The following IGF2BP3 variants were observed in gnomAD, a reference collection of about 807,000 sequenced individuals.
The protein encoded by IGF2BP3 is insulin-like growth factor 2 mRNA-binding protein 3.
In IGF2BP3, 9 loss-of-function variants were observed where a neutral mutation model predicts 73.8. That is an observed-to-expected ratio of 0.12 (90% CI 0.07 to 0.21). The LOEUF is 0.21. Among genes scored for constraint, IGF2BP3 ranks in the 10% least tolerant of loss-of-function variants. IGF2BP3 has a pLI of 1.00. For missense variants in IGF2BP3, 542 were observed against 714.0 expected (o/e 0.76, Z 2.75); for synonymous variants, 258 against 256.7 (o/e 1.01, Z -0.05).
intron 2 of IGF2BP3, among the ~76,000 whole-genome samples, chr7:23,452,550 T>TC (rs1788225641): frequency 6.6e-6 from 1 of 152,080 alleles, no homozygotes; most frequent in Non-Finnish European, 1.5e-5. Flanking sequence ...ATGCCTGTAA[T>TC]CCTAACACTT....
At chr7:23,330,908 C>T (rs1784427965) in intron 10 of IGF2BP3, among the ~76,000 whole-genome samples, 1 of 152,214 alleles carries the variant, frequency 6.6e-6, no homozygotes. Flanking sequence ...AGCTATTCTC[C>T]TGCCTCAGCC....
chr7:23,410,915 C>T (rs938141622), intron 3 of IGF2BP3, among the ~76,000 whole-genome samples: 4 of 152,220 alleles, frequency 2.6e-5, no homozygotes, highest in Non-Finnish European at 4.4e-5. Context: ...TGTACCACCA[C>T]TGCCTTATCT....
intron 2 of IGF2BP3, among the ~76,000 whole-genome samples, chr7:23,454,428 A>G (rs1472128669): frequency 2.6e-5 from 4 of 152,098 alleles, no homozygotes; most frequent in African/African-American, 9.7e-5. Context: ...TAAACCATAA[A>G]CCACGGGGTC....
At chr7:23,464,657 C>A (rs1788522610) in intron 2 of IGF2BP3, among the ~76,000 whole-genome samples, 2 of 150,890 alleles carry the variant, frequency 1.3e-5, no homozygotes, top group South Asian at 4.2e-4. Flanking sequence ...GCACTCCAGC[C>A]TGGGCAACAG....
In IGF2BP3 at chr7:23,452,530, G is replaced by A. The variant is rs539386216; in HGVS notation, c.236+15952C>T. 1.3e-4 allele frequency among the ~76,000 whole-genome samples: 20 copies of A among 152,224 alleles called. 1 individual carries two copies. Among genetic ancestry groups the A allele is most frequent in the Admixed American group, 1.0e-3 (16 of 15,290 alleles). ...CTTTAAAACATGGGTTCCCCCAGGC[G>A]TGGTGGCTCATGCCTGTAATCCTAA... On this transcript the variant is annotated intron_variant, in intron 2 of 14. Coordinates refer to ENST00000258729, the MANE Select transcript of IGF2BP3 (RefSeq NM_006547.3).
At chr7:23,327,685 T>C (rs1784339629) in intron 10 of IGF2BP3, among the ~76,000 whole-genome samples, 1 of 152,122 alleles carries the variant, frequency 6.6e-6, no homozygotes, top group Admixed American at 6.5e-5. Context: ...TTTTCAAAAA[T>C]CAGCCAAAGA....
intron 3 of IGF2BP3, among the ~76,000 whole-genome samples, chr7:23,384,386 G>T (rs1052758623): frequency 2.0e-5 from 3 of 152,154 alleles, no homozygotes; most frequent in African/African-American, 7.2e-5. Flanking sequence ...GTGGTAGTAT[G>T]TATTTGTGAA....
rs1302055348 is a variant in IGF2BP3, at chr7:23,311,757, AAG to A, written c.*603_*604del. On this transcript the variant is annotated 3_prime_UTR_variant, in exon 15 of 15. Coordinates refer to ENST00000258729, the MANE Select transcript of IGF2BP3 (RefSeq NM_006547.3). ...TAAAGTATATAAAATTTTCAAAAAA[AAG>A]GAACAATTTTGCTTTTCATTGTATT... is the stretch of plus-strand genomic sequence containing the variant. 6.6e-6 allele frequency: 1 copy of A among 152,616 alleles called. No individual in the cohort carries two copies. The highest frequency in any genetic ancestry group is 2.4e-5 in the African/African-American group (1 of 41,438). 9.5% of individuals were successfully genotyped at this position (152,616 alleles called of 1,614,324 possible). A position where few individuals can be genotyped will look rare whatever the true frequency, so the allele number is the denominator to read the frequency against.
chr7:23,338,412 TTGGGAGTCAGAGG>T (rs1784627495), intron 10 of IGF2BP3, among the ~76,000 whole-genome samples: 1 of 152,138 alleles, frequency 6.6e-6, no homozygotes, highest in Admixed American at 6.5e-5. Flanking sequence ...TCCCAGCTAC[TTGGGAGTCAGAGG>T]TGGGAGGATC....
chr7:23,434,937 C>A (rs1032420305), intron 2 of IGF2BP3, among the ~76,000 whole-genome samples: 1 of 152,052 alleles, frequency 6.6e-6, no homozygotes, highest in African/African-American at 2.4e-5. Flanking sequence ...TGAATAAAAC[C>A]TTGGCCAAAG....
At chr7:23,370,056 C>T (rs1164492732) in intron 3 of IGF2BP3, among the ~76,000 whole-genome samples, 5 of 152,216 alleles carry the variant, frequency 3.3e-5, no homozygotes, top group African/African-American at 1.2e-4. Context: ...CAAACTTCAA[C>T]ATGGCATAAG....
chr7:23,324,235 G>A (rs1784232322), intron 10 of IGF2BP3, among the ~76,000 whole-genome samples: 1 of 149,708 alleles, frequency 6.7e-6, no homozygotes, highest in South Asian at 2.1e-4. Flanking sequence ...ATGATAAAGG[G>A]GATATCACCA....
chr7:23,325,477 C>T (rs1427835479), intron 10 of IGF2BP3, among the ~76,000 whole-genome samples: 10 of 152,122 alleles, frequency 6.6e-5, no homozygotes, highest in African/African-American at 2.4e-4. Flanking sequence ...GAATCAATAT[C>T]GTGAAAATGG....
At chr7:23,427,288 C>T (rs548095172) in intron 2 of IGF2BP3, among the ~76,000 whole-genome samples, 10 of 152,040 alleles carry the variant, frequency 6.6e-5, no homozygotes, top group Non-Finnish European at 8.8e-5. Flanking sequence ...GGAGGCATTC[C>T]GTGAATTTCT....
intron 3 of IGF2BP3, among the ~76,000 whole-genome samples, chr7:23,374,120 G>T (rs1313380475): frequency 2.6e-5 from 4 of 152,120 alleles, no homozygotes; most frequent in African/African-American, 9.7e-5. Flanking sequence ...CACTAACCGA[G>T]TATACGTCCA....
rs1450000620 is a variant in IGF2BP3 at position 23,311,033 on chromosome 7, A to C, written c.*1329T>G. 2 of 152,034 alleles carry C rather than the reference A, an allele frequency of 1.3e-5. No homozygotes were observed. Among genetic ancestry groups the C allele is most frequent in the Non-Finnish European group, 2.9e-5 (2 of 68,008 alleles). 9.4% of individuals were successfully genotyped at this position (152,034 alleles called of 1,614,324 possible). On this transcript the variant is annotated 3_prime_UTR_variant, in exon 15 of 15. Coordinates refer to ENST00000258729, the MANE Select transcript of IGF2BP3 (RefSeq NM_006547.3). ...CCCAAAAACTTTTCTTGTATTCTCT[A>C]TCTTTTGACTTTTTTTTCAAAGAAC...
intron 2 of IGF2BP3, among the ~76,000 whole-genome samples, chr7:23,447,421 T>C (rs1268974941): frequency 2.6e-5 from 4 of 151,796 alleles, no homozygotes; most frequent in African/African-American, 9.7e-5. Flanking sequence ...GCCAGGAGTC[T>C]GACACCAGCC....
chr7:23,376,314 T>A (rs1410508218), intron 3 of IGF2BP3, among the ~76,000 whole-genome samples: 1 of 151,822 alleles, frequency 6.6e-6, no homozygotes, highest in Non-Finnish European at 1.5e-5. Flanking sequence ...CCCAGCACTT[T>A]GAGAGGCCAA....
intron 5 of IGF2BP3, among the ~76,000 whole-genome samples, chr7:23,352,336 T>C (rs1183838906): frequency 7.2e-6 from 1 of 138,982 alleles, no homozygotes; most frequent in Non-Finnish European, 1.5e-5. Context: ...TTACCCAGGC[T>C]GGAGCGCAAT....
Sources: gnomAD v4.1 joint callset for allele counts (sites outside exome capture counted in the v4.1 genomes callset) on GRCh38, gnomAD v4.1.1 for gene constraint, MANE v1.5 for transcripts, NCBI Gene and HGNC (gene_info 2026-07-23, HGNC 2026-07-21) for gene names.